TTC23L: variants seen among roughly 807,000 people sequenced by gnomAD.
The protein encoded by TTC23L is tetratricopeptide repeat domain 23 like, also known as tetratricopeptide repeat protein 23-like.
TTC23L carries 42 observed loss-of-function variants against 48.1 expected under a neutral mutation model. The ratio of observed to expected loss-of-function variants is 0.87; its 90% confidence interval spans 0.68 to 1.13. TTC23L has a LOEUF of 1.13. TTC23L is among the 50% of genes most tolerant of loss of function. The pLI is 0.00. For synonymous variants in TTC23L, 159 were observed against 157.2 expected, an observed-to-expected ratio of 1.01 and a Z score of -0.09; for missense variants, 391 against 421.0, an observed-to-expected ratio of 0.93 and a Z score of 0.62.
intron 4 of TTC23L, among the ~76,000 whole-genome samples, chr5:34,853,868 G>A (rs945243449): frequency 3.3e-5 from 5 of 152,144 alleles, no homozygotes; most frequent in African/African-American, 1.2e-4. Context: ...GTTTTTCACT[G>A]GAATTCAAAC....
intron 4 of TTC23L, among the ~76,000 whole-genome samples, chr5:34,859,321 G>T (rs1760385782): frequency 6.6e-6 from 1 of 152,138 alleles, no homozygotes; most frequent in African/African-American, 2.4e-5. Context: ...AGCCATCTCG[G>T]CTTCCAGTAT....
At chr5:34,916,593 C>G in the TTC23L span, 3 of 152,198 alleles carry the variant, frequency 2.0e-5, no homozygotes, top group Admixed American at 6.5e-5. Context: ...AAAAGAAGTG[C>G]ACACAAGTTG....
intron 2 of TTC23L, among the ~76,000 whole-genome samples, chr5:34,844,538 A>C (rs903619297): frequency 6.7e-6 from 1 of 149,844 alleles, no homozygotes; most frequent in Non-Finnish European, 1.5e-5. Flanking sequence ...TTCACTCTTT[A>C]AGCTTTTTGT....
chr5:34,891,083 T>C (rs1206583003), intron 9 of TTC23L, among the ~76,000 whole-genome samples: 2 of 152,238 alleles, frequency 1.3e-5, no homozygotes, highest in Admixed American at 1.3e-4. Flanking sequence ...TGGAAGGTCT[T>C]AGCAGGTCTT....
chr5:34,912,269 A>C, the TTC23L span, among the ~76,000 whole-genome samples: 1 of 152,192 alleles, frequency 6.6e-6, no homozygotes, highest in African/African-American at 2.4e-5. Flanking sequence ...AACTTTTCCA[A>C]CTGGGAGATA....
In TTC23L at chr5:34,863,330, A is replaced by G. The variant is rs1180282349; in HGVS notation, c.536+276A>G. Among the ~76,000 whole-genome samples, 1 of 152,160 alleles carries G rather than the reference A, an allele frequency of 6.6e-6. No individual in the cohort carries two copies. Among genetic ancestry groups the G allele is most frequent in the Non-Finnish European group, 1.5e-5 (1 of 68,032 alleles). On this transcript the variant is annotated intron_variant, in intron 5 of 10. Coordinates refer to ENST00000505624, the Ensembl canonical transcript of TTC23L. The surrounding 1 kb of genome is among the most constrained non-coding windows in gnomAD (Gnocchi z 4.1). ...GTTTTCTGAGTCTGTTCTGCTCTTC[A>G]TTGAGCACCCAAGAAAATCAGTGTT...
the TTC23L span, among the ~76,000 whole-genome samples, chr5:34,917,638 TCAAA>T: frequency 1.1e-4 from 17 of 152,202 alleles, no homozygotes; most frequent in African/African-American, 4.1e-4. Context: ...AGACTCCATC[TCAAA>T]CAAACAAACA....
the TTC23L span, chr5:34,915,229 A>T: frequency 2.9e-4 from 96 of 328,010 alleles, no homozygotes; most frequent in African/African-American, 1.9e-3. Context: ...AGGAGCTACA[A>T]ATCCGCGGGG....
exon 9 of TTC23L, chr5:34,880,194 A>C: frequency 6.2e-7 from 1 of 1,611,426 alleles, no homozygotes; most frequent in Non-Finnish European, 8.5e-7. Flanking sequence ...CTGTTGAGAT[A>C]TATTTCATAA....
At chr5:34,892,298 A>C (rs1334950458) in intron 9 of TTC23L, among the ~76,000 whole-genome samples, 1 of 152,206 alleles carries the variant, frequency 6.6e-6, no homozygotes, top group African/African-American at 2.4e-5. Flanking sequence ...GCCTCTGCAA[A>C]AAAGCTAAAG....
rs369301385 is a variant in TTC23L at position 34,864,430 on chromosome 5, A to G, written c.537-7A>G. On this transcript the variant is annotated splice_polypyrimidine_tract_variant and splice_region_variant and intron_variant, in intron 5 of 10. Coordinates refer to ENST00000505624, the Ensembl canonical transcript of TTC23L. ...TGAGTGCTTGCCATTTTCCTTGACTATTTCACTGGCAGAGAAGCCTATTTC... is the reference window on the plus strand; with the variant it reads ...TGAGTGCTTGCCATTTTCCTTGACTGTTTCACTGGCAGAGAAGCCTATTTC... 1.7e-5 allele frequency: 27 copies of G among 1,613,358 alleles called. No homozygotes were observed. In the African/African-American group the frequency reaches 2.5e-4, roughly 15 times the overall value.
chr5:34,915,893 G>C, the TTC23L span: 1 of 1,553,338 alleles, frequency 6.4e-7, no homozygotes, highest in Non-Finnish European at 8.7e-7. Context: ...GGCCCCGTTT[G>C]CAAGGTAGGA....
At chr5:34,914,399 C>T in the TTC23L span, 1 of 369,612 alleles carries the variant, frequency 2.7e-6, no homozygotes, top group Non-Finnish European at 5.0e-6. Flanking sequence ...ATAAGTTAAA[C>T]AATAAGAAGA....
intron 3 of TTC23L, among the ~76,000 whole-genome samples, chr5:34,846,666 TATG>T (rs1281776323): frequency 2.3e-4 from 14 of 61,830 alleles, no homozygotes; most frequent in Non-Finnish European, 3.4e-4. Flanking sequence ...TATATGTGTG[TATG>T]TGTGTGTGTG....
chr5:34,896,725 G>A, intron 9 of TTC23L, 45 bp from the exon 10 acceptor site: 1 of 763,850 alleles, frequency 1.3e-6, no homozygotes, highest in Non-Finnish European at 2.4e-6. Flanking sequence ...ATGAGAATTG[G>A]AAAACACTTC....
At chr5:34,880,059 T>C in intron 8 of TTC23L, 122 bp from the exon 9 acceptor site, 4 of 1,231,984 alleles carry the variant, frequency 3.2e-6, no homozygotes, top group Non-Finnish European at 4.5e-6. Context: ...AGAGTCCTTA[T>C]GAGACCTGGC....
the TTC23L span, chr5:34,920,053 T>C: frequency 2.3e-6 from 1 of 440,078 alleles, no homozygotes; most frequent in South Asian, 2.9e-5. Context: ...CACAGTTTAG[T>C]GCTTCATTCA....
At chr5:34,845,412 CTA>C (rs1246784055) in intron 2 of TTC23L, 73 bp from the exon 3 acceptor site, 1 of 1,462,128 alleles carries the variant, frequency 6.8e-7, no homozygotes, top group East Asian at 2.3e-5. Context: ...GTTGGGAGAG[CTA>C]TGCCCTTCAA....
chr5:34,900,809 T>G (rs577883352), downstream of TTC23L, among the ~76,000 whole-genome samples: 3 of 152,382 alleles, frequency 2.0e-5, no homozygotes, highest in Non-Finnish European at 4.4e-5. Context: ...AGTACTTTTT[T>G]CTGCCACATG....
Sources: allele counts gnomAD v4.1 joint callset (sites outside exome capture counted in the v4.1 genomes callset), GRCh38; gene constraint gnomAD v4.1.1; non-coding constraint Gnocchi (gnomAD v3.1); transcripts MANE v1.5; gene names NCBI Gene and HGNC (gene_info 2026-07-23, HGNC 2026-07-21).